GALNT13: variants seen among roughly 807,000 people sequenced by gnomAD.
The protein encoded by GALNT13 is UDP-GalNAc:polypeptide N-acetylgalactosaminyltransferase 13.
In GALNT13, 28 loss-of-function variants were observed where a neutral mutation model predicts 64.2. That is an observed-to-expected ratio of 0.44 (90% CI 0.32 to 0.60). The LOEUF is 0.60. GALNT13 is among the 20% of genes least tolerant of loss of function. The pLI, the probability that GALNT13 is intolerant of heterozygous loss-of-function variation, is 0.05. For missense variants in GALNT13, 577 were observed against 669.8 expected, an observed-to-expected ratio of 0.86 and a Z score of 1.53; for synonymous variants, 214 against 224.6, an observed-to-expected ratio of 0.95 and a Z score of 0.42.
chr2:153,433,131 AGT>A, the GALNT13 span, among the ~76,000 whole-genome samples: 2 of 152,174 alleles, frequency 1.3e-5, no homozygotes, highest in African/African-American at 2.4e-5. Context: ...TTTGTGTGAG[AGT>A]AAATGAAGAG....
At chr2:154,391,960 A>G (rs1698814663) in intron 9 of GALNT13, among the ~76,000 whole-genome samples, 1 of 152,162 alleles carries the variant, frequency 6.6e-6, no homozygotes, top group South Asian at 2.1e-4. Flanking sequence ...GAAGAAGTAA[A>G]TTTTCAGCAA....
chr2:153,231,050 C>T, the GALNT13 span, among the ~76,000 whole-genome samples: 1 of 152,136 alleles, frequency 6.6e-6, no homozygotes, highest in Non-Finnish European at 1.5e-5. Flanking sequence ...AATGCTCCTC[C>T]ACTATTTTGC....
upstream of GALNT13, among the ~76,000 whole-genome samples, chr2:153,870,063 C>T (rs978630626): frequency 6.6e-6 from 1 of 151,794 alleles, no homozygotes; most frequent in Admixed American, 6.6e-5. Flanking sequence ...GTGAGTGAAG[C>T]CATCCTAGAT....
At chr2:153,869,521 G>A (rs190463513), upstream of GALNT13, among the ~76,000 whole-genome samples, 16 of 152,062 alleles carry the variant, frequency 1.1e-4, no homozygotes, top group East Asian at 1.9e-4. Context: ...TTGCTTTCTC[G>A]TGATTGCATT....
At chr2:154,170,921 G>A (rs1685313132) in intron 4 of GALNT13, among the ~76,000 whole-genome samples, 1 of 152,170 alleles carries the variant, frequency 6.6e-6, no homozygotes, top group African/African-American at 2.4e-5. Flanking sequence ...GTAGTTTGCT[G>A]GAGAAGCTTT....
chr2:153,894,237 G>T (rs1010955258), intron 1 of GALNT13, among the ~76,000 whole-genome samples: 4 of 152,022 alleles, frequency 2.6e-5, no homozygotes, highest in Non-Finnish European at 4.4e-5. Flanking sequence ...AATCTCTCGA[G>T]ACCCCACTTG....
At chr2:153,628,918 G>A in the GALNT13 span, among the ~76,000 whole-genome samples, 3 of 152,054 alleles carry the variant, frequency 2.0e-5, no homozygotes, top group South Asian at 4.1e-4. Context: ...TTCAGAATGA[G>A]TGGTACCAGT....
At chr2:153,489,913 G>A in the GALNT13 span, among the ~76,000 whole-genome samples, 3 of 152,036 alleles carry the variant, frequency 2.0e-5, no homozygotes, top group African/African-American at 7.2e-5. Flanking sequence ...GAGCCCAGGA[G>A]TTTGAAGCTA....
the GALNT13 span, among the ~76,000 whole-genome samples, chr2:153,398,644 A>G: frequency 7.2e-5 from 11 of 152,242 alleles, no homozygotes; most frequent in South Asian, 4.2e-4. Flanking sequence ...GTCTCATTGT[A>G]GTTTTGATTT....
chr2:154,271,170 T>C (rs144931399), intron 8 of GALNT13, among the ~76,000 whole-genome samples: 108 of 152,060 alleles, frequency 7.1e-4, no homozygotes, highest in Non-Finnish European at 1.0e-3. Context: ...AATAATGTTA[T>C]TAGAGAATGG....
At chr2:153,238,517 A>G in the GALNT13 span, among the ~76,000 whole-genome samples, 1 of 152,168 alleles carries the variant, frequency 6.6e-6, no homozygotes, top group South Asian at 2.1e-4. Context: ...ATATGGCAAG[A>G]GATAAGGGTC....
intron 3 of GALNT13, among the ~76,000 whole-genome samples, chr2:153,975,837 C>CA (rs1249567578): frequency 1.3e-5 from 2 of 151,802 alleles, no homozygotes; most frequent in Non-Finnish European, 2.9e-5. Context: ...ACTACACACA[C>CA]AAAAAAACGG....
At chr2:154,175,875 C>A (rs1286265666) in intron 4 of GALNT13, among the ~76,000 whole-genome samples, 1 of 151,892 alleles carries the variant, frequency 6.6e-6, no homozygotes, top group African/African-American at 2.4e-5. Flanking sequence ...GGATAAAGTA[C>A]CAGTTATTGC....
At chr2:153,897,500 A>C (rs561797910) in intron 1 of GALNT13, among the ~76,000 whole-genome samples, 1 of 152,174 alleles carries the variant, frequency 6.6e-6, no homozygotes, top group African/African-American at 2.4e-5. Context: ...GTTGTCTTTG[A>C]TCAATTTGTT....
At chr2:154,139,621 AACACACAC>A (rs59526662) in intron 3 of GALNT13, among the ~76,000 whole-genome samples, 12 of 147,442 alleles carry the variant, frequency 8.1e-5, no homozygotes, top group East Asian at 2.0e-4. Context: ...ATGTGTAGGC[AACACACAC>A]ACACACACAC....
At chr2:153,628,056 G>A in the GALNT13 span, among the ~76,000 whole-genome samples, 2 of 152,034 alleles carry the variant, frequency 1.3e-5, no homozygotes, top group African/African-American at 4.8e-5. Flanking sequence ...CCTTGAAGCG[G>A]TCCTTCACGT....
At chr2:154,346,397 C>G (rs548675573) in intron 9 of GALNT13, among the ~76,000 whole-genome samples, 1 of 152,042 alleles carries the variant, frequency 6.6e-6, no homozygotes, top group South Asian at 2.1e-4. Context: ...TGTGTCCCTA[C>G]CCAAGTCTCA....
the GALNT13 span, among the ~76,000 whole-genome samples, chr2:153,682,937 A>C: frequency 1.3e-5 from 2 of 151,798 alleles, no homozygotes; most frequent in Non-Finnish European, 2.9e-5. Flanking sequence ...ATTAGAATGC[A>C]TCTGGATTAT....
chr2:153,771,454 AC>A, the GALNT13 span, among the ~76,000 whole-genome samples: 32 of 152,054 alleles, frequency 2.1e-4, no homozygotes, highest in Non-Finnish European at 4.4e-4. Flanking sequence ...AGGTAGGTAC[AC>A]CAAAAACCTG....
Sources: gnomAD v4.1 joint callset for allele counts (sites outside exome capture counted in the v4.1 genomes callset) on GRCh38, gnomAD v4.1.1 for gene constraint, MANE v1.5 for transcripts, NCBI Gene and HGNC (gene_info 2026-07-23, HGNC 2026-07-21) for gene names.